The following EXOC4 variants were observed in gnomAD, a reference collection of about 807,000 sequenced individuals.
The protein encoded by EXOC4 is exocyst complex component 4.
In EXOC4, 71 loss-of-function variants were observed where a neutral mutation model predicts 107.2. That is an observed-to-expected ratio of 0.66 (90% CI 0.55 to 0.81). EXOC4 has a LOEUF of 0.81. Among genes scored for constraint, EXOC4 ranks in the 30% least tolerant of loss-of-function variants. The pLI, the probability that EXOC4 is intolerant of heterozygous loss-of-function variation, is 0.00. For synonymous variants in EXOC4, 456 were observed against 441.2 expected, an observed-to-expected ratio of 1.03 and a Z score of -0.42; for missense variants, 1,108 against 1,189.6, an observed-to-expected ratio of 0.93 and a Z score of 1.01.
chr7:133,336,649 G>A (rs1795519702), intron 5 of EXOC4, among the ~76,000 whole-genome samples: 1 of 149,950 alleles, frequency 6.7e-6, no homozygotes, highest in Non-Finnish European at 1.5e-5. Flanking sequence ...GGTGAATTAT[G>A]TATTTTTTTC....
intron 9 of EXOC4, among the ~76,000 whole-genome samples, chr7:133,603,557 G>A (rs1419346677): frequency 1.3e-5 from 2 of 152,164 alleles, no homozygotes; most frequent in African/African-American, 4.8e-5. Context: ...TTACAAACCT[G>A]TACAACATGT....
chr7:133,413,217 T>C (rs1797401878), intron 7 of EXOC4, among the ~76,000 whole-genome samples: 1 of 152,120 alleles, frequency 6.6e-6, no homozygotes, highest in African/African-American at 2.4e-5. Context: ...TTTGCACAGG[T>C]CATTGAATTT....
intron 7 of EXOC4, among the ~76,000 whole-genome samples, chr7:133,443,077 C>T (rs1014337004): frequency 6.6e-5 from 10 of 152,212 alleles, no homozygotes; most frequent in Admixed American, 3.3e-4. Flanking sequence ...GTTGCTGTGA[C>T]GGGAGCCAGG....
chr7:133,257,961 C>T (rs1413035539), intron 1 of EXOC4, among the ~76,000 whole-genome samples: 2 of 152,080 alleles, frequency 1.3e-5, no homozygotes, highest in African/African-American at 4.8e-5. Context: ...CAGTTTGTGG[C>T]AGGAAAGGAA....
chr7:133,266,047 C>G (rs1793724404), intron 1 of EXOC4, among the ~76,000 whole-genome samples: 1 of 152,118 alleles, frequency 6.6e-6, no homozygotes, highest in Admixed American at 6.6e-5. Flanking sequence ...TAACAAAACA[C>G]CAAATACTAG....
At chr7:133,259,517 G>A (rs1444262490) in intron 1 of EXOC4, among the ~76,000 whole-genome samples, 6 of 151,720 alleles carry the variant, frequency 4.0e-5, no homozygotes, top group Non-Finnish European at 7.4e-5. Context: ...GTGAGCCACC[G>A]TCCCCGGCCC....
At chr7:133,320,296 G>A (rs1272110502) in intron 5 of EXOC4, among the ~76,000 whole-genome samples, 5 of 152,166 alleles carry the variant, frequency 3.3e-5, no homozygotes, top group Non-Finnish European at 7.3e-5. Context: ...CAAGGTGTTG[G>A]CAGGGCTGTG....
intron 7 of EXOC4, among the ~76,000 whole-genome samples, chr7:133,473,964 T>TC (rs1798947325): frequency 6.6e-6 from 1 of 152,122 alleles, no homozygotes; most frequent in Admixed American, 6.6e-5. Flanking sequence ...CCTCCTAAAG[T>TC]CCCAAAGTGC....
chr7:134,096,869 CT>C, the EXOC4 span, among the ~76,000 whole-genome samples: 1 of 151,934 alleles, frequency 6.6e-6, no homozygotes, highest in Non-Finnish European at 1.5e-5. Context: ...TGTTAATCTC[CT>C]TTTGTAACAC....
At position 134,009,617 on chromosome 7, in the gene EXOC4, C is replaced by T. The variant is rs143052534; in HGVS notation, c.2687+1782C>T. Among the ~76,000 whole-genome samples, 64 of 152,236 alleles carry T rather than the reference C, an allele frequency of 4.2e-4. 1 individual carries two copies. In the East Asian group the frequency reaches 0.012, roughly 29 times the overall value. On this transcript the variant is annotated intron_variant, in intron 17 of 17. Coordinates refer to ENST00000253861, the MANE Select transcript of EXOC4 (RefSeq NM_021807.4). The stretch of plus-strand genomic sequence containing the variant: ...TAGGGAAACCAGGTGTGACTGAATG[C>T]TGCATTTATTTGGTCGCTCTTATGG...
At chr7:133,667,556 T>C (rs900349094) in intron 10 of EXOC4, among the ~76,000 whole-genome samples, 1 of 152,248 alleles carries the variant, frequency 6.6e-6, no homozygotes, top group Non-Finnish European at 1.5e-5. Context: ...TCCTAAGCCC[T>C]GTGCAGTGTA....
At chr7:134,017,968 G>A (rs1304986667) in intron 17 of EXOC4, among the ~76,000 whole-genome samples, 1 of 152,220 alleles carries the variant, frequency 6.6e-6, no homozygotes, top group Non-Finnish European at 1.5e-5. Context: ...ATGATTCAGA[G>A]ATTAGCATAG....
At chr7:133,473,355 G>C (rs978832882) in intron 7 of EXOC4, among the ~76,000 whole-genome samples, 5 of 152,216 alleles carry the variant, frequency 3.3e-5, no homozygotes, top group Non-Finnish European at 5.9e-5. Flanking sequence ...TTACCAGTCT[G>C]TTGACATGTT....
Position 134,004,989 on chromosome 7 carries a change from A to G in EXOC4, c.2426A>G (p.Asp809Gly). 6.2e-7 allele frequency: 1 copy of G among 1,613,612 alleles called. No homozygotes were observed. The highest frequency in any genetic ancestry group is 1.7e-5 in the Admixed American group (1 of 59,958). The change falls in exon 16 of 18, where the codon GAT becomes GGT. Residue 809 changes from aspartate to glycine, a missense_variant. Asp to Gly is a moderately conservative substitution (Grantham distance 94, BLOSUM62 -1). Coordinates refer to ENST00000253861, the MANE Select transcript of EXOC4 (RefSeq NM_021807.4). ...YAIVANVESM[D>G]YDPLVVKLNK... Reference sequence around the variant, plus strand: ...ATTGTGGCTAATGTGGAAAGTATGGATTATGACCCCCTGGTGGTCAAGCTC... The same window carrying G: ...ATTGTGGCTAATGTGGAAAGTATGGGTTATGACCCCCTGGTGGTCAAGCTC...
chr7:133,803,170 A>T (rs1358181318), intron 10 of EXOC4, among the ~76,000 whole-genome samples: 1 of 152,170 alleles, frequency 6.6e-6, no homozygotes, highest in Non-Finnish European at 1.5e-5. Context: ...TGCCAACATG[A>T]TGGCTGGAAA....
At chr7:133,819,309 T>TCTCCC (rs1797453403) in intron 11 of EXOC4, among the ~76,000 whole-genome samples, 1 of 146,190 alleles carries the variant, frequency 6.8e-6, no homozygotes, top group Non-Finnish European at 1.5e-5. Flanking sequence ...CCCAGATAGA[T>TCTCCC]CTCCCCAGTT....
intron 1 of EXOC4, among the ~76,000 whole-genome samples, chr7:133,269,660 A>T (rs958538725): frequency 2.0e-5 from 3 of 152,230 alleles, no homozygotes; most frequent in African/African-American, 7.2e-5. Context: ...ACTTGTCAGC[A>T]CTTACTGTCA....
chr7:133,807,380 T>C (rs1033769762), intron 10 of EXOC4, among the ~76,000 whole-genome samples: 1 of 152,192 alleles, frequency 6.6e-6, no homozygotes, highest in Non-Finnish European at 1.5e-5. Context: ...GTTTAAGCAA[T>C]TATTAATACA....
chr7:133,557,719 G>A (rs1169616848), intron 9 of EXOC4, among the ~76,000 whole-genome samples: 8 of 152,154 alleles, frequency 5.3e-5, no homozygotes, highest in African/African-American at 1.4e-4. Flanking sequence ...GGCCGGGCGC[G>A]GTGGCTCACA....
Sources: allele counts gnomAD v4.1 joint callset (sites outside exome capture counted in the v4.1 genomes callset), GRCh38; gene constraint gnomAD v4.1.1; transcripts MANE v1.5; gene names NCBI Gene and HGNC (gene_info 2026-07-23, HGNC 2026-07-21).